The following SHISA9 variants were observed in gnomAD, a reference collection of about 807,000 sequenced individuals.
The protein encoded by SHISA9 is shisa family member 9.
A neutral mutation model predicts 38.0 loss-of-function variants in SHISA9; 13 were observed. The observed-to-expected ratio is 0.34, with a 90% confidence interval of 0.22 to 0.54. The LOEUF is 0.54. Among genes scored for constraint, SHISA9 ranks in the 20% least tolerant of loss-of-function variants. The pLI, the probability that SHISA9 is intolerant of heterozygous loss-of-function variation, is 0.91. For synonymous variants in SHISA9, 275 were observed against 242.0 expected, an observed-to-expected ratio of 1.14 and a Z score of -1.27; for missense variants, 538 against 575.8, an observed-to-expected ratio of 0.93 and a Z score of 0.67.
At chr16:13,194,935 G>A (rs1257349915) in intron 2 of SHISA9, among the ~76,000 whole-genome samples, 1 of 152,174 alleles carries the variant, frequency 6.6e-6, no homozygotes, top group Non-Finnish European at 1.5e-5. Context: ...AATCGAGGGA[G>A]GAAGCTAGAA....
the SHISA9 span, among the ~76,000 whole-genome samples, chr16:13,388,786 GA>G: frequency 0.78 from 118,657 of 151,934 alleles, 46,491 homozygotes; most frequent in East Asian, 0.96. Flanking sequence ...AACCTCATGT[GA>G]ACAAAAGAAA....
intron 2 of SHISA9, among the ~76,000 whole-genome samples, chr16:13,170,891 A>G (rs2050679941): frequency 1.3e-5 from 2 of 152,182 alleles, no homozygotes; most frequent in Non-Finnish European, 2.9e-5. Context: ...TCCTGACCTC[A>G]GGTCATCCAC....
chr16:12,969,087 GC>G (rs746742470), intron 2 of SHISA9, among the ~76,000 whole-genome samples: 6 of 151,532 alleles, frequency 4.0e-5, no homozygotes, highest in African/African-American at 7.3e-5. Flanking sequence ...AACCTAGGGG[GC>G]AAAGGTTACA....
the SHISA9 span, among the ~76,000 whole-genome samples, chr16:13,528,178 T>C: frequency 6.6e-6 from 1 of 152,154 alleles, no homozygotes; most frequent in Non-Finnish European, 1.5e-5. Flanking sequence ...TCTGAAAGCT[T>C]GCCCAGCAAG....
At chr16:13,344,160 G>A in the SHISA9 span, among the ~76,000 whole-genome samples, 1 of 152,156 alleles carries the variant, frequency 6.6e-6, no homozygotes, top group Non-Finnish European at 1.5e-5. Flanking sequence ...TACTTATAAT[G>A]AAATCACCCA....
At chr16:12,965,757 T>C (rs986147186) in intron 2 of SHISA9, among the ~76,000 whole-genome samples, 8 of 152,136 alleles carry the variant, frequency 5.3e-5, no homozygotes, top group Admixed American at 1.3e-4. Context: ...CCCTCTAGGG[T>C]TTTATCCTCA....
At chr16:13,069,188 G>GTGTATACA (rs935025958) in intron 2 of SHISA9, among the ~76,000 whole-genome samples, 1 of 151,918 alleles carries the variant, frequency 6.6e-6, no homozygotes, top group Non-Finnish European at 1.5e-5. Flanking sequence ...ATGTGTATAT[G>GTGTATACA]TGTATACATG....
chr16:13,139,439 T>G (rs921470255), intron 2 of SHISA9, among the ~76,000 whole-genome samples: 2 of 141,262 alleles, frequency 1.4e-5, no homozygotes, highest in Admixed American at 7.2e-5. Context: ...CCTTCTTCTC[T>G]TCCTCTTCCT....
intron 2 of SHISA9, among the ~76,000 whole-genome samples, chr16:12,933,243 C>G (rs1382765413): frequency 2.6e-5 from 4 of 152,016 alleles, no homozygotes; most frequent in Non-Finnish European, 5.9e-5. Flanking sequence ...AACCACATAT[C>G]AGAACTGCAT....
chr16:13,298,908 A>G, the SHISA9 span, among the ~76,000 whole-genome samples: 2 of 152,166 alleles, frequency 1.3e-5, no homozygotes, highest in African/African-American at 4.8e-5. Context: ...CCTTCTGCAC[A>G]CAACTGGGTT....
the SHISA9 span, among the ~76,000 whole-genome samples, chr16:13,302,571 A>G: frequency 6.6e-6 from 1 of 152,224 alleles, no homozygotes; most frequent in Admixed American, 6.5e-5. Context: ...AGAGGCTCCC[A>G]GAAGGGGATC....
At chr16:13,061,821 C>G (rs1300770336) in intron 2 of SHISA9, among the ~76,000 whole-genome samples, 1 of 152,164 alleles carries the variant, frequency 6.6e-6, no homozygotes, top group Non-Finnish European at 1.5e-5. Context: ...GGTTGGGCCT[C>G]TCTGAGGAGG....
chr16:13,211,119 A>G (rs1261643764), intron 3 of SHISA9, among the ~76,000 whole-genome samples: 1 of 152,104 alleles, frequency 6.6e-6, no homozygotes, highest in Non-Finnish European at 1.5e-5. Context: ...CAACGTGGTG[A>G]AACCCCATCT....
chr16:13,183,783 T>C (rs1485940351), intron 2 of SHISA9, among the ~76,000 whole-genome samples: 2 of 152,238 alleles, frequency 1.3e-5, no homozygotes, highest in African/African-American at 2.4e-5. Context: ...AATTGCTCTC[T>C]TGGCTCTGTT....
At chr16:13,320,354 C>A in the SHISA9 span, among the ~76,000 whole-genome samples, 1 of 141,978 alleles carries the variant, frequency 7.0e-6, no homozygotes, top group African/African-American at 2.6e-5. Flanking sequence ...AGAGGTCAAG[C>A]AACCCAGCAA....
chr16:12,919,873 C>A (rs550882006), intron 2 of SHISA9, among the ~76,000 whole-genome samples: 10 of 152,274 alleles, frequency 6.6e-5, no homozygotes, highest in African/African-American at 2.4e-4. Flanking sequence ...ATGTAGTTTC[C>A]TGTGAGATGG....
At chr16:13,425,240 TC>T in the SHISA9 span, among the ~76,000 whole-genome samples, 1 of 151,988 alleles carries the variant, frequency 6.6e-6, no homozygotes, top group South Asian at 2.1e-4. Context: ...ACACCTGTAA[TC>T]CCAACACTTT....
the SHISA9 span, among the ~76,000 whole-genome samples, chr16:13,359,146 CA>C: frequency 1.4e-5 from 2 of 147,508 alleles, no homozygotes; most frequent in African/African-American, 5.0e-5. Flanking sequence ...TCCTAGTCTG[CA>C]AAACAATAAA....
the SHISA9 span, among the ~76,000 whole-genome samples, chr16:13,557,407 A>G: frequency 2.6e-5 from 4 of 152,204 alleles, no homozygotes; most frequent in Non-Finnish European, 5.9e-5. Context: ...CTTTAACGCC[A>G]CTAAGGAGAA....
Sources: allele counts gnomAD v4.1 joint callset (sites outside exome capture counted in the v4.1 genomes callset), GRCh38; gene constraint gnomAD v4.1.1; transcripts MANE v1.5; gene names NCBI Gene and HGNC (gene_info 2026-07-23, HGNC 2026-07-21).